The following C14orf132 variants were observed in gnomAD, a reference collection of about 807,000 sequenced individuals.
C14orf132 encodes chromosome 14 open reading frame 132, also known as uncharacterized protein C14orf132.
A neutral mutation model predicts 5.8 loss-of-function variants in C14orf132; 6 were observed. The ratio of observed to expected loss-of-function variants is 1.03; its 90% confidence interval spans 0.57 to 2.04. C14orf132 has a LOEUF of 2.04. Ranked by LOEUF, C14orf132 falls within the 30% of genes most tolerant of loss-of-function variation. The pLI is 0.00. For missense variants in C14orf132, 125 were observed against 115.8 expected, an observed-to-expected ratio of 1.08 and a Z score of -0.37; for synonymous variants, 51 against 49.8, an observed-to-expected ratio of 1.02 and a Z score of -0.10.
chr14:96,058,189 G>A lies in C14orf132; in HGVS notation c.27+18662G>A, dbSNP rs566882601. Among the ~76,000 whole-genome samples, 20 of 152,172 alleles carry A rather than the reference G, an allele frequency of 1.3e-4. No homozygotes were observed. In the South Asian group the frequency reaches 3.3e-3, roughly 25 times the overall value. On this transcript the variant is annotated intron_variant, in intron 1 of 1. Coordinates refer to ENST00000555004, the MANE Select transcript of C14orf132 (RefSeq NM_001252507.3). ...AGGGTCTCCACTCTCCTCCCTGCCCGCACTTCGTGAGGCACATCCTCCTCA... is the reference window on the plus strand; with the variant it reads ...AGGGTCTCCACTCTCCTCCCTGCCCACACTTCGTGAGGCACATCCTCCTCA...
rs764197881 is a variant in C14orf132 at position 96,086,529 on chromosome 14, G to A, written c.46G>A (p.Ala16Thr). 2.0e-6 allele frequency: 3 copies of A among 1,536,104 alleles called. No homozygotes were observed. The South Asian group carries it at 3.6e-5, about 18-fold the overall frequency. ...MAAQLPMMGG[A>T]FMDSPNEDFS... ...TTTGCAGCTGCCCATGATGGGGGGA[G>A]CTTTCATGGACTCGCCCAACGAGGA... is the stretch of plus-strand genomic sequence containing the variant. Residue 16 changes from alanine to threonine, a missense_variant, in exon 2 of 2, where the codon GCT becomes ACT. By Grantham distance (58) the Ala-to-Thr change is moderately conservative. Coordinates refer to ENST00000555004, the MANE Select transcript of C14orf132 (RefSeq NM_001252507.3).
intron 1 of C14orf132, among the ~76,000 whole-genome samples, chr14:96,086,018 GA>G (rs1476932607): frequency 1.3e-5 from 2 of 150,510 alleles, no homozygotes; most frequent in African/African-American, 2.5e-5. Flanking sequence ...ACACACAGAG[GA>G]AAAAAAGATT....
chr14:96,082,469 A>T (rs980083854), intron 1 of C14orf132, among the ~76,000 whole-genome samples: 4 of 152,208 alleles, frequency 2.6e-5, no homozygotes, highest in African/African-American at 9.6e-5. Context: ...TGTTATGTCT[A>T]ACTCAGCACT....
chr14:96,047,772 A>G (rs775662225), intron 1 of C14orf132, among the ~76,000 whole-genome samples: 1 of 152,198 alleles, frequency 6.6e-6, no homozygotes, highest in Non-Finnish European at 1.5e-5. Flanking sequence ...AATCGAGAGG[A>G]GGGCATAGAG....
chr14:96,040,494 C>T (rs1438937734), intron 1 of C14orf132: 3 of 388,688 alleles, frequency 7.7e-6, no homozygotes. Context: ...TGGCAGGGAC[C>T]CCATCTGCTG....
At chr14:96,048,148 A>G (rs1345502570) in intron 1 of C14orf132, among the ~76,000 whole-genome samples, 1 of 152,214 alleles carries the variant, frequency 6.6e-6, no homozygotes, top group Non-Finnish European at 1.5e-5. Context: ...AGATCGAGCC[A>G]TTGCACTCCA....
intron 1 of C14orf132, among the ~76,000 whole-genome samples, chr14:96,058,957 G>C (rs1441577340): frequency 6.6e-6 from 1 of 152,208 alleles, no homozygotes; most frequent in African/African-American, 2.4e-5. Context: ...TATTTGAAGA[G>C]GGGCTCAAGA....
At chr14:96,083,406 A>C (rs1015648557) in intron 1 of C14orf132, among the ~76,000 whole-genome samples, 9 of 152,142 alleles carry the variant, frequency 5.9e-5, no homozygotes, top group Admixed American at 5.2e-4. Context: ...TAACCCCTAG[A>C]ACCTGTGGAT....
At chr14:96,051,902 T>A (rs771117014) in intron 1 of C14orf132, among the ~76,000 whole-genome samples, 6 of 152,220 alleles carry the variant, frequency 3.9e-5, no homozygotes, top group Non-Finnish European at 8.8e-5. Context: ...AGACCATCAT[T>A]CCTAGGCACG....
intron 1 of C14orf132, among the ~76,000 whole-genome samples, chr14:96,075,380 G>C (rs559950694): frequency 7.9e-5 from 12 of 152,118 alleles, no homozygotes; most frequent in African/African-American, 2.6e-4. Flanking sequence ...TTATATATAA[G>C]GCATCTCTAT....
rs1284310887 is a variant in C14orf132, at chr14:96,087,466, A to C, written c.*731A>C. On this transcript the variant is annotated 3_prime_UTR_variant, in exon 2 of 2. Transcript: ENST00000555004. ...AGGCAGTGGACTCTTCAGGCCACCCACGTGAGAATGCTGTTTCTTCTCTGA... is the reference window on the plus strand; with the variant it reads ...AGGCAGTGGACTCTTCAGGCCACCCCCGTGAGAATGCTGTTTCTTCTCTGA... The C allele has an allele frequency of 6.6e-6, 1 of 152,150 alleles. No homozygotes were observed. The highest frequency in any genetic ancestry group is 1.5e-5 in the Non-Finnish European group (1 of 68,046). 9.4% of individuals were successfully genotyped at this position (152,150 alleles called of 1,614,324 possible). A position where few individuals can be genotyped will look rare whatever the true frequency, so the allele number is the denominator to read the frequency against.
chr14:96,040,491 G>A (rs910320018), intron 1 of C14orf132: 10 of 388,726 alleles, frequency 2.6e-5, no homozygotes, highest in Non-Finnish European at 4.1e-5. Flanking sequence ...GTGTGGCAGG[G>A]ACCCCATCTG....
At chr14:96,049,560 ACG>A (rs1381162039) in intron 1 of C14orf132, among the ~76,000 whole-genome samples, 2 of 126,892 alleles carry the variant, frequency 1.6e-5, no homozygotes, top group African/African-American at 2.8e-5. Flanking sequence ...ATACATATAT[ACG>A]TATATATACA....
intron 1 of C14orf132, among the ~76,000 whole-genome samples, chr14:96,074,257 A>T (rs1239012063): frequency 6.6e-6 from 1 of 152,162 alleles, no homozygotes; most frequent in Non-Finnish European, 1.5e-5. Context: ...TATATATTCT[A>T]CTTATAAGTT....
intron 1 of C14orf132, among the ~76,000 whole-genome samples, chr14:96,050,607 C>T (rs891677225): frequency 5.9e-5 from 9 of 152,070 alleles, no homozygotes; most frequent in African/African-American, 2.2e-4. Context: ...GTCTTCTCTC[C>T]ATACTCTGCC....
At position 96,090,488 on chromosome 14, in the gene C14orf132, C is replaced by T. The variant is rs55763059; in HGVS notation, c.*3753C>T. 10,595 of 387,892 alleles carry T rather than the reference C, an allele frequency of 0.027. 227 individuals carry two copies. The highest frequency in any genetic ancestry group is 0.062 in the Middle Eastern group (157 of 2,518). The allele number at this position is 387,892 out of a possible 1,614,324, so 24.0% of individuals were successfully genotyped here. ...TGAAGGTCTTTGAGAAGAGGCCAGA[C>T]GCCGCTGTAGCCAGGCCTGTCTTAA... On this transcript the variant is annotated 3_prime_UTR_variant, in exon 2 of 2. Coordinates refer to ENST00000555004, the MANE Select transcript of C14orf132 (RefSeq NM_001252507.3).
intron 1 of C14orf132, among the ~76,000 whole-genome samples, chr14:96,041,999 G>A (rs1886705169): frequency 6.6e-6 from 1 of 152,212 alleles, no homozygotes. Context: ...TAGAGGATTG[G>A]ATGAGGACAA....
Position 96,039,563 on chromosome 14 carries a change from C to T in C14orf132, c.27+36C>T. 6.7e-7 allele frequency: 1 copy of T among 1,494,894 alleles called. No individual in the cohort carries two copies. Among genetic ancestry groups the T allele is most frequent in the Middle Eastern group, 1.7e-4 (1 of 5,840 alleles). The allele number at this position is 1,494,894 out of a possible 1,614,324, so 92.6% of individuals were successfully genotyped here. On this transcript the variant is annotated intron_variant, in intron 1 of 1. Coordinates refer to ENST00000555004, the MANE Select transcript of C14orf132 (RefSeq NM_001252507.3). This position sits in a 1 kb window ranked among gnomAD's most constrained non-coding sequence, Gnocchi z 5.3. ...GTCCCCCCCACGCGCCCCGGGCCGC[C>T]AAGTTTGGGGAGGTTCGGGGCCACG...
intron 1 of C14orf132, among the ~76,000 whole-genome samples, chr14:96,054,266 T>C (rs1291031341): frequency 6.6e-6 from 1 of 152,200 alleles, no homozygotes; most frequent in Non-Finnish European, 1.5e-5. Context: ...CAGGTCTCCC[T>C]GGGCTACAGC....
Sources: allele counts gnomAD v4.1 joint callset (sites outside exome capture counted in the v4.1 genomes callset), GRCh38; gene constraint gnomAD v4.1.1; non-coding constraint Gnocchi (gnomAD v3.1); transcripts MANE v1.5; gene names NCBI Gene and HGNC (gene_info 2026-07-23, HGNC 2026-07-21).